The following ANKRA2 variants were observed in gnomAD, a reference collection of about 807,000 sequenced individuals.
ANKRA2 encodes the protein ankyrin repeat family A member 2.
In ANKRA2, 33 loss-of-function variants were observed where a neutral mutation model predicts 37.8. The ratio of observed to expected loss-of-function variants is 0.87; its 90% CI spans 0.66 to 1.17. The LOEUF is 1.17. Ranked by LOEUF, ANKRA2 falls within the 50% of genes most tolerant of loss-of-function variation. ANKRA2 has a pLI of 0.00. For synonymous variants in ANKRA2, 126 were observed against 132.3 expected (o/e 0.95, Z 0.33); for missense variants, 326 against 373.7 (o/e 0.87, Z 1.05).
At chr5:73,554,542 G>T in intron 6 of ANKRA2, 154 bp from the exon 7 acceptor site, 1 of 599,190 alleles carries the variant, frequency 1.7e-6, no homozygotes, top group Non-Finnish European at 2.9e-6. Flanking sequence ...ACTAATAATT[G>T]AGTCTATGAT....
chr5:73,561,191 T>G lies in ANKRA2; in HGVS notation c.387A>C (p.Ser129=), dbSNP rs765025657. The stretch of plus-strand genomic sequence containing the variant: ...CTCTGTGTTTGTTGGTTAAAGTGGT[T>G]GACTGTTTTATGGGTGAGAAATGCT... ...TTKHFSPIKQ[S]TTLTNKHRGN... is the part of the protein sequence containing the mutation. The change falls in exon 3 of 9, where the codon TCA becomes TCC. Residue 129 remains serine, a synonymous_variant. Coordinates refer to ENST00000296785, the MANE Select transcript of ANKRA2 (RefSeq NM_023039.5). The G allele has an allele frequency of 6.2e-6, 10 of 1,613,932 alleles. No individual in the cohort carries two copies. Among genetic ancestry groups the G allele is most frequent in the Non-Finnish European group, 8.5e-6 (10 of 1,179,982 alleles).
At chr5:73,557,777 A>T in intron 3 of ANKRA2, 137 bp from the exon 4 acceptor site, 1 of 580,208 alleles carries the variant, frequency 1.7e-6, no homozygotes, top group Non-Finnish European at 2.9e-6. Context: ...TATAACTTAA[A>T]ATGTATCCTA....
At chr5:73,557,472 CTATT>C (rs1382142179) in intron 4 of ANKRA2, 99 bp downstream of exon 4, 5 of 348,174 alleles carry the variant, frequency 1.4e-5, no homozygotes, top group African/African-American at 3.1e-5. Context: ...GTTTATGTAA[CTATT>C]TGTTTTTGTC....
intron 4 of ANKRA2, among the ~76,000 whole-genome samples, chr5:73,557,031 A>G (rs1265518011): frequency 6.7e-6 from 1 of 149,776 alleles, no homozygotes; most frequent in Non-Finnish European, 1.5e-5. Context: ...CAGCAAATCT[A>G]CTTGTGGGAA....
rs757482594 is a variant in ANKRA2 at position 73,562,874 on chromosome 5, G to A, written c.8C>T (p.Thr3Ile). The change falls in exon 2 of 9, where the codon ACA becomes ATA. Residue 3 changes from threonine (T) to isoleucine (I), a missense_variant. Thr to Ile is a moderately conservative substitution (Grantham distance 89, BLOSUM62 -1). Transcript: ENST00000296785. ...GGCTCCAATATCCAGATTTGTTGAT[G>A]TATCCATGATTTCAACTGTAGTTTC... MD[T>I]STNLDIGAQL... The A allele has an allele frequency of 6.2e-7, 1 of 1,604,572 alleles. No individual in the cohort carries two copies. Among genetic ancestry groups the A allele is most frequent in the East Asian group, 2.2e-5 (1 of 44,714 alleles).
At chr5:73,554,420 C>A in intron 6 of ANKRA2, 32 bp from the exon 7 acceptor site, 1 of 1,501,186 alleles carries the variant, frequency 6.7e-7, no homozygotes, top group South Asian at 1.1e-5. Flanking sequence ...CAGAGTTTTT[C>A]ACGGTGAGCA....
chr5:73,564,062 G>T (rs1196973686), intron 1 of ANKRA2, among the ~76,000 whole-genome samples: 2 of 148,986 alleles, frequency 1.3e-5, no homozygotes, highest in African/African-American at 5.0e-5. Flanking sequence ...CCTAAACAAA[G>T]CCAAAATCTC....
At chr5:73,554,516 G>A (rs1306231303) in intron 6 of ANKRA2, 128 bp from the exon 7 acceptor site, 6 of 663,120 alleles carry the variant, frequency 9.0e-6, no homozygotes, top group South Asian at 2.0e-5. Flanking sequence ...ATTTTGTGAA[G>A]GATACTTAAA....
intron 3 of ANKRA2, among the ~76,000 whole-genome samples, chr5:73,558,224 C>T (rs1409792390): frequency 6.6e-6 from 1 of 152,054 alleles, no homozygotes; most frequent in Non-Finnish European, 1.5e-5. Flanking sequence ...GCAGATCCTC[C>T]CACCTTGACC....
In ANKRA2 at chr5:73,557,504, TTAAAA is replaced by T. The variant is rs548602540; in HGVS notation, c.514+66_514+70del. On this transcript the variant is annotated intron_variant, in intron 4 of 8. Coordinates refer to ENST00000296785, the MANE Select transcript of ANKRA2 (RefSeq NM_023039.5). ...TTTTTGTCTTTAGGACTTTCTTATA[TTAAAA>T]TAAAACAATAACAAATCTAATAAAT... 3,465 of 1,154,436 alleles carry T rather than the reference TTAAAA, an allele frequency of 3.0e-3. 19 individuals are homozygous for T. The highest frequency in any genetic ancestry group is 0.013 in the Middle Eastern group (44 of 3,348). 71.5% of individuals were successfully genotyped at this position (1,154,436 alleles called of 1,614,324 possible). A position where few individuals can be genotyped will look rare whatever the true frequency, so the allele number is the denominator to read the frequency against.
chr5:73,554,459 G>A, intron 6 of ANKRA2, 71 bp from the exon 7 acceptor site: 1 of 1,031,260 alleles, frequency 9.7e-7, no homozygotes, highest in South Asian at 1.4e-5. Context: ...GCTGCTGTAA[G>A]AAGTTTTACT....
At chr5:73,561,086 T>C (rs1322670352) in intron 3 of ANKRA2, 44 bp downstream of exon 3, 1 of 1,531,092 alleles carries the variant, frequency 6.5e-7, no homozygotes, top group Non-Finnish European at 8.9e-7. Flanking sequence ...CTCTTGAAAG[T>C]ATTACATTAA....
intron 1 of ANKRA2, among the ~76,000 whole-genome samples, chr5:73,564,709 T>A (rs1747669275): frequency 6.6e-6 from 1 of 152,186 alleles, no homozygotes; most frequent in Non-Finnish European, 1.5e-5. Flanking sequence ...GCTTCCATGT[T>A]ACAAATCAGG....
chr5:73,557,420 T>TC (rs1288860610), intron 4 of ANKRA2, 155 bp downstream of exon 4: 3 of 251,060 alleles, frequency 1.2e-5, no homozygotes, highest in South Asian at 1.5e-4. Context: ...CCTTTTTTTT[T>TC]TTTTTTTTTT....
intron 7 of ANKRA2, among the ~76,000 whole-genome samples, chr5:73,553,817 C>G (rs1259480387): frequency 2.0e-5 from 3 of 151,906 alleles, no homozygotes. Flanking sequence ...CTCTGTCACC[C>G]AGGCTGGAAT....
rs748959327 is a variant in ANKRA2 at position 73,554,960 on chromosome 5, T to G, written c.639A>C (p.Lys213Asn). The change falls in exon 6 of 9, where the codon AAA (lysine) becomes AAC (asparagine). Residue 213 changes from lysine to asparagine, a missense_variant. Around this residue, in one of 3 missense-constraint regions of ANKRA2, gnomAD observed 228 missense variants for 260.2 expected, o/e 0.88. Transcript: ENST00000296785. ...QNGADPQLLG[K>N]GRESALSLAC... ...CCAACGACAGTGCACTTTCTCGACC[T>G]TTTCCTAAAAGTTGGGGATCAGCAC... 1 of 1,612,722 alleles carries G rather than the reference T, an allele frequency of 6.2e-7. No homozygotes were observed. The highest frequency in any genetic ancestry group is 8.5e-7 in the Non-Finnish European group (1 of 1,179,264).
In ANKRA2 at chr5:73,565,566, G is replaced by A; in HGVS notation, c.-539C>T. 4.3e-6 allele frequency: 1 copy of A among 235,236 alleles called. No homozygotes were observed. The highest frequency in any genetic ancestry group is 8.9e-6 in the Non-Finnish European group (1 of 112,904). 14.6% of individuals were successfully genotyped at this position (235,236 alleles called of 1,614,324 possible). A position where few individuals can be genotyped will look rare whatever the true frequency, so the allele number is the denominator to read the frequency against. On this transcript the variant is annotated 5_prime_UTR_variant, in exon 1 of 9. Coordinates refer to ENST00000296785, the MANE Select transcript of ANKRA2 (RefSeq NM_023039.5). ...GTTTTTGCCGCCTTTACGCTCCGAG[G>A]CCCATCCTGCCGGAGTACTACACAG... is the stretch of plus-strand genomic sequence containing the variant.
At chr5:73,558,071 A>G (rs564643375) in intron 3 of ANKRA2, among the ~76,000 whole-genome samples, 27 of 152,164 alleles carry the variant, frequency 1.8e-4, no homozygotes, top group African/African-American at 6.0e-4. Context: ...AAAAAAAAAA[A>G]GTACCCTAAA....
chr5:73,561,408 G>C (rs1747550997), intron 2 of ANKRA2, 120 bp from the exon 3 acceptor site: 5 of 941,776 alleles, frequency 5.3e-6, no homozygotes, highest in African/African-American at 5.1e-5. Context: ...TTTATCAAGT[G>C]ATACTAAATT....
Sources: gnomAD v4.1 joint callset for allele counts (sites outside exome capture counted in the v4.1 genomes callset) on GRCh38, gnomAD v4.1.1 for gene constraint, gnomAD v4.1.1 regional missense constraint, MANE v1.5 for transcripts, NCBI Gene and HGNC (gene_info 2026-07-23, HGNC 2026-07-21) for gene names.